Variants in KIAA1217 observed in about 807,000 individuals in gnomAD.
KIAA1217 encodes the protein KIAA1217.
In KIAA1217, 88 loss-of-function variants were observed where a neutral mutation model predicts 163.9. That is an observed-to-expected ratio of 0.54 (90% CI 0.45 to 0.64). The LOEUF (loss-of-function observed/expected upper bound fraction) is 0.64. Among genes scored for constraint, KIAA1217 ranks in the 30% least tolerant of loss-of-function variants. The pLI is 0.00. For synonymous variants in KIAA1217, 903 were observed against 923.1 expected, an observed-to-expected ratio of 0.98 and a Z score of 0.39; for missense variants, 2,372 against 2,475.0, an observed-to-expected ratio of 0.96 and a Z score of 0.88.
chr10:23,852,430 G>A (rs1395800983), intron 1 of KIAA1217, among the ~76,000 whole-genome samples: 1 of 152,188 alleles, frequency 6.6e-6, no homozygotes, highest in African/African-American at 2.4e-5. Context: ...TTGTAGTATA[G>A]TTTGAAGTCA....
intron 2 of KIAA1217, among the ~76,000 whole-genome samples, chr10:24,195,866 C>T (rs559111396): frequency 1.0e-3 from 153 of 152,276 alleles, no homozygotes; most frequent in African/African-American, 3.5e-3. Flanking sequence ...CAGTGGCTCA[C>T]GCCTGTAATC....
chr10:24,102,775 G>C (rs987553833), intron 2 of KIAA1217, among the ~76,000 whole-genome samples: 2 of 152,148 alleles, frequency 1.3e-5, no homozygotes, highest in Non-Finnish European at 2.9e-5. Context: ...TTTGAGGAAG[G>C]AGCAAAAGCA....
rs2071797550 is a variant in KIAA1217, at chr10:24,524,561, C to A, written c.2695C>A (p.His899Asn). 6.2e-7 allele frequency: 1 copy of A among 1,614,010 alleles called. No homozygotes were observed. Among genetic ancestry groups the A allele is most frequent in the Non-Finnish European group, 8.5e-7 (1 of 1,179,976 alleles). ...CCCTGTGGTCATCCAGCCCTCCCAGCACTCCGTGGCCCTGCTGAACCCTGC... is the reference window on the plus strand; with the variant it reads ...CCCTGTGGTCATCCAGCCCTCCCAGAACTCCGTGGCCCTGCTGAACCCTGC... ...SSPVVIQPSQHSVALLNPAQN... is the reference protein window; with the variant it reads ...SSPVVIQPSQNSVALLNPAQN... The change falls in exon 13 of 21, where the codon CAC becomes AAC. Residue 899 changes from histidine (H) to asparagine (N), a missense_variant. His to Asn is a moderately conservative substitution (Grantham distance 68). Transcript: ENST00000376454.
At chr10:23,764,888 G>A (rs573304926) in intron 1 of KIAA1217, among the ~76,000 whole-genome samples, 73 of 152,194 alleles carry the variant, frequency 4.8e-4, no homozygotes, top group African/African-American at 1.7e-3. Flanking sequence ...AAACCTGCAC[G>A]TTGTGCACAC....
chr10:24,546,256 A>C lies in KIAA1217; in HGVS notation c.5764A>C (p.Thr1922Pro), dbSNP rs1250726713. The change falls in exon 21 of 21, where the codon ACC (threonine) becomes CCC (proline). Residue 1922 changes from threonine (T) to proline (P), a missense_variant. Around this residue, in one of 3 missense-constraint regions of KIAA1217, gnomAD observed 690 missense variants for 677.5 expected, o/e 1.02. Transcript: ENST00000376454. The stretch of plus-strand genomic sequence containing the variant: ...CAGGACCATCCATACTCCCAGCCTC[A>C]CCAGCTACAAGGCACAGAATGGAAG... ...GTRTIHTPSL[T>P]SYKAQNGSSS... 3 of 1,614,086 alleles carry C rather than the reference A, an allele frequency of 1.9e-6. No individual in the cohort carries two copies. Among genetic ancestry groups the C allele is most frequent in the African/African-American group, 1.3e-5 (1 of 75,022 alleles).
At position 23,934,595 on chromosome 10, in the gene KIAA1217, AT is replaced by A. The variant is rs1843428102; in HGVS notation, c.-320-72629del. Among the ~76,000 whole-genome samples, 4 of 76,648 alleles carry A rather than the reference AT, an allele frequency of 5.2e-5. 2 individuals carry two copies. In the African/African-American group the frequency reaches 5.7e-4, roughly 11 times the overall value. 50.3% of individuals were successfully genotyped at this position (76,648 alleles called of 152,430 possible). ...TATATATATATATATATATATGTAT[AT>A]ATATATATATGTATATATATATATA... On this transcript the variant is annotated intron_variant, in intron 1 of 18. Transcript: ENST00000376462.
chr10:23,887,950 G>A (rs772967227), intron 1 of KIAA1217, among the ~76,000 whole-genome samples: 8 of 151,850 alleles, frequency 5.3e-5, no homozygotes, highest in Non-Finnish European at 7.4e-5. Flanking sequence ...AGTTATCTTT[G>A]TGATTTTGTG....
At chr10:24,282,060 A>G (rs943712096) in intron 2 of KIAA1217, among the ~76,000 whole-genome samples, 2 of 152,118 alleles carry the variant, frequency 1.3e-5, no homozygotes, top group South Asian at 4.2e-4. Context: ...CCATCTCAAC[A>G]ACAACAAAAA....
rs138809258 is a variant in KIAA1217 at position 23,991,382 on chromosome 10, T to G, written c.-320-15843T>G. Among the ~76,000 whole-genome samples, 13 of 152,302 alleles carry G rather than the reference T, an allele frequency of 8.5e-5. No individual in the cohort carries two copies. In the East Asian group the frequency reaches 2.5e-3, roughly 29 times the overall value. On this transcript the variant is annotated intron_variant, in intron 1 of 18. Coordinates refer to the KIAA1217 transcript ENST00000376462. ...CTAAGCACTCAGATATGCATAGCCC[T>G]GAGTTAAGTGGTTAGTGGGAACACG...
chr10:23,711,311 A>G (rs1435037235), intron 1 of KIAA1217, among the ~76,000 whole-genome samples: 1 of 152,198 alleles, frequency 6.6e-6, no homozygotes, highest in African/African-American at 2.4e-5. Context: ...GATGGGGTTG[A>G]TCAATGCCTT....
At chr10:23,781,885 A>G (rs190324037) in intron 1 of KIAA1217, among the ~76,000 whole-genome samples, 70 of 152,234 alleles carry the variant, frequency 4.6e-4, no homozygotes, top group African/African-American at 1.6e-3. Flanking sequence ...CTATATATGC[A>G]CGGGTTTATT....
intron 2 of KIAA1217, among the ~76,000 whole-genome samples, chr10:24,053,092 C>T (rs1849633845): frequency 6.6e-6 from 1 of 152,158 alleles, no homozygotes; most frequent in African/African-American, 2.4e-5. Flanking sequence ...GCATGGTTTT[C>T]TCCCTTTGTT....
chr10:24,236,167 A>T (rs2072226052), intron 2 of KIAA1217, among the ~76,000 whole-genome samples: 1 of 152,084 alleles, frequency 6.6e-6, no homozygotes, highest in Admixed American at 6.6e-5. Flanking sequence ...TGATAAAAAA[A>T]TTGATATTTT....
chr10:23,819,741 G>GTT (rs942339474), intron 1 of KIAA1217, among the ~76,000 whole-genome samples: 2 of 152,116 alleles, frequency 1.3e-5, no homozygotes, highest in African/African-American at 2.4e-5. Context: ...GAAACTTTTT[G>GTT]TGTCGTAACA....
In KIAA1217 at chr10:24,151,522, A is replaced by G. The variant is rs547577365; in HGVS notation, c.-170-68104A>G. ...GGAGGAAGGATGTTCCAGCCACATC[A>G]TACACGGCGTTGTAAGAATTAATGT... On this transcript the variant is annotated intron_variant, in intron 2 of 18. Transcript: ENST00000376462. Among the ~76,000 whole-genome samples, 43 of 149,594 alleles carry G rather than the reference A, an allele frequency of 2.9e-4. No individual in the cohort carries two copies. In the South Asian group the frequency reaches 5.7e-3, roughly 20 times the overall value.
chr10:24,033,734 G>C (rs1819781689), intron 2 of KIAA1217, among the ~76,000 whole-genome samples: 3 of 152,188 alleles, frequency 2.0e-5, no homozygotes, highest in Admixed American at 2.0e-4. Flanking sequence ...GTTTTAACTG[G>C]CTGCTACTGA....
intron 1 of KIAA1217, among the ~76,000 whole-genome samples, chr10:23,724,836 C>G (rs1438056365): frequency 6.6e-6 from 1 of 152,134 alleles, no homozygotes; most frequent in South Asian, 2.1e-4. Flanking sequence ...ATTGAGTTAA[C>G]TGATATACCA....
chr10:24,422,801 A>G (rs1427581039), intron 3 of KIAA1217, among the ~76,000 whole-genome samples: 3 of 152,062 alleles, frequency 2.0e-5, no homozygotes, highest in East Asian at 3.9e-4. Flanking sequence ...CTTTCTGTGG[A>G]GAATGAGTGC....
chr10:24,403,762 C>G (rs1475589732), intron 3 of KIAA1217, among the ~76,000 whole-genome samples: 1 of 152,122 alleles, frequency 6.6e-6, no homozygotes, highest in Non-Finnish European at 1.5e-5. Context: ...TGTTCAACAT[C>G]ATTAGCCTTT....
Sources: gnomAD v4.1 joint callset for allele counts (sites outside exome capture counted in the v4.1 genomes callset) on GRCh38, gnomAD v4.1.1 for gene constraint, gnomAD v4.1.1 regional missense constraint, MANE v1.5 for transcripts, NCBI Gene and HGNC (gene_info 2026-07-23, HGNC 2026-07-21) for gene names.